The following L3MBTL4 variants were observed in gnomAD, a reference collection of about 807,000 sequenced individuals.
The protein encoded by L3MBTL4 is L3MBTL histone methyl-lysine binding protein 4, also known as lethal(3)malignant brain tumor-like protein 4.
A neutral mutation model predicts 84.5 loss-of-function variants in L3MBTL4; 70 were observed. That is an observed-to-expected ratio of 0.83 (90% CI 0.68 to 1.01). The LOEUF (loss-of-function observed/expected upper bound fraction) is 1.01, where lower values mean the gene tolerates loss of function less well. Among genes scored for constraint, L3MBTL4 ranks in the 50% least tolerant of loss-of-function variants. The probability of loss-of-function intolerance (pLI) is 0.00; values close to 1 mark genes in which losing one functional copy is unlikely to be tolerated. For missense variants in L3MBTL4, 715 were observed against 754.8 expected (o/e 0.95, Z 0.62); for synonymous variants, 274 against 259.8 (o/e 1.05, Z -0.52).
chr18:5,973,536 CT>C (rs5822883), intron 16 of L3MBTL4, among the ~76,000 whole-genome samples: 1 of 151,934 alleles, frequency 6.6e-6, no homozygotes, highest in African/African-American at 2.4e-5. Flanking sequence ...CTGATTTTAA[CT>C]TTTTTTTACA....
At chr18:6,096,438 T>C (rs2058646361) in intron 14 of L3MBTL4, among the ~76,000 whole-genome samples, 1 of 152,220 alleles carries the variant, frequency 6.6e-6, no homozygotes, top group South Asian at 2.1e-4. Flanking sequence ...CTGCACCATT[T>C]TGAACCTTAG....
chr18:6,310,307 A>C (rs141015278), intron 3 of L3MBTL4, among the ~76,000 whole-genome samples: 10 of 152,248 alleles, frequency 6.6e-5, no homozygotes, highest in Non-Finnish European at 8.8e-5. Flanking sequence ...TAGAGCTCTA[A>C]ACTCTCCTGG....
In L3MBTL4 at chr18:6,170,738, T is replaced by TG. The variant is rs527473252; in HGVS notation, c.1096+1089dup. ...GAGGCATGGATGTACAGGGGTGTAT[T>TG]GGGGGGGGTTCACATAAAGTGAGAA... On this transcript the variant is annotated intron_variant, in intron 13 of 18. Coordinates refer to ENST00000317931, the MANE Select transcript of L3MBTL4 (RefSeq NM_001330559.2). Among the ~76,000 whole-genome samples the TG allele has an allele frequency of 4.9e-4, 74 of 151,604 alleles. 1 individual carries two copies. The East Asian group carries it at 8.4e-3, about 17-fold the overall frequency.
At chr18:6,151,937 ATTAG>A (rs1476569264) in intron 13 of L3MBTL4, among the ~76,000 whole-genome samples, 1 of 152,066 alleles carries the variant, frequency 6.6e-6, no homozygotes, top group African/African-American at 2.4e-5. Flanking sequence ...CTCCACTTCT[ATTAG>A]TTAGACTTTT....
intron 16 of L3MBTL4, among the ~76,000 whole-genome samples, chr18:5,992,255 A>G (rs2053735993): frequency 6.6e-6 from 1 of 152,176 alleles, no homozygotes; most frequent in Admixed American, 6.5e-5. Context: ...GGTGGACAGA[A>G]GCCTGTTAGG....
At chr18:6,073,379 C>A (rs9949452) in intron 16 of L3MBTL4, among the ~76,000 whole-genome samples, 1,661 of 152,046 alleles carry the variant, frequency 0.011, 38 homozygotes, top group African/African-American at 0.038. Context: ...TTTTAAAAAT[C>A]TAAAGTCCTC....
intron 16 of L3MBTL4, among the ~76,000 whole-genome samples, chr18:6,019,808 AAGTT>A (rs768344172): frequency 3.2e-4 from 48 of 152,352 alleles, no homozygotes; most frequent in Non-Finnish European, 6.3e-4. Flanking sequence ...CTTCCAGACA[AAGTT>A]AGCCACTCCC....
intron 3 of L3MBTL4, 89 bp downstream of exon 3, chr18:6,311,465 G>A (rs750136818): frequency 4.8e-6 from 5 of 1,051,154 alleles, no homozygotes; most frequent in East Asian, 2.4e-5. Context: ...AAAAGCCCCT[G>A]AGTGTGGTTA....
intron 16 of L3MBTL4, among the ~76,000 whole-genome samples, chr18:6,047,507 A>T (rs1290926097): frequency 6.6e-6 from 1 of 152,228 alleles, no homozygotes; most frequent in African/African-American, 2.4e-5. Flanking sequence ...CCTCAGCAAA[A>T]TACTAGCAAA....
intron 15 of L3MBTL4, among the ~76,000 whole-genome samples, chr18:6,087,587 G>C (rs2058299714): frequency 6.6e-6 from 1 of 152,086 alleles, no homozygotes; most frequent in African/African-American, 2.4e-5. Flanking sequence ...AAGAACTCTG[G>C]TTTGTCATGG....
intron 1 of L3MBTL4, among the ~76,000 whole-genome samples, chr18:6,350,532 T>C (rs1328722701): frequency 6.7e-6 from 1 of 148,190 alleles, no homozygotes; most frequent in Non-Finnish European, 1.5e-5. Context: ...ACTTTACACA[T>C]AGGATGGCTA....
chr18:6,177,735 C>G (rs1370674648), intron 12 of L3MBTL4, among the ~76,000 whole-genome samples: 4 of 152,154 alleles, frequency 2.6e-5, no homozygotes, highest in Non-Finnish European at 5.9e-5. Flanking sequence ...AGCCAGGCAC[C>G]CTAGGACTGT....
chr18:6,091,667 G>A (rs2058462497), intron 15 of L3MBTL4, among the ~76,000 whole-genome samples: 1 of 152,172 alleles, frequency 6.6e-6, no homozygotes, highest in African/African-American at 2.4e-5. Flanking sequence ...AAGATAGGGA[G>A]GCAACATATC....
chr18:6,115,018 G>C (rs2059312947), intron 14 of L3MBTL4, among the ~76,000 whole-genome samples: 1 of 152,202 alleles, frequency 6.6e-6, no homozygotes, highest in Admixed American at 6.5e-5. Context: ...TAATGGTTGG[G>C]GGTTCACCAA....
intron 4 of L3MBTL4, among the ~76,000 whole-genome samples, chr18:6,292,789 A>G (rs939431905): frequency 1.3e-4 from 20 of 152,154 alleles, no homozygotes; most frequent in Non-Finnish European, 8.8e-5. Context: ...CTCCAAGCAT[A>G]TTAATCTCTG....
At chr18:6,222,222 C>T (rs1318054449) in intron 10 of L3MBTL4, among the ~76,000 whole-genome samples, 2 of 152,150 alleles carry the variant, frequency 1.3e-5, no homozygotes, top group African/African-American at 4.8e-5. Flanking sequence ...ACATTTACAG[C>T]AGTACGTCAG....
chr18:5,970,935 C>T (rs762099184), intron 16 of L3MBTL4, among the ~76,000 whole-genome samples: 8 of 152,210 alleles, frequency 5.3e-5, no homozygotes, highest in Non-Finnish European at 8.8e-5. Context: ...TCGGAACAGA[C>T]ATCCTCATAT....
rs866802613 is a variant in L3MBTL4, at chr18:6,245,849, C to T, written c.220-1261G>A. ...CAAATGATCCACCCTCCTGAGCCTC[C>T]CAAAGGGCTAGGAATATAGGTGTGA... On this transcript the variant is annotated intron_variant, in intron 5 of 18. Transcript: ENST00000317931. Among the ~76,000 whole-genome samples, 5 of 152,234 alleles carry T rather than the reference C, an allele frequency of 3.3e-5. No homozygotes were observed. In the Middle Eastern group the frequency reaches 0.01, roughly 311 times the overall value.
chr18:6,252,959 T>C (rs2047988911), intron 5 of L3MBTL4, among the ~76,000 whole-genome samples: 1 of 152,190 alleles, frequency 6.6e-6, no homozygotes, highest in South Asian at 2.1e-4. Context: ...ATCCCAGCAC[T>C]TTGGGAGGCC....
Sources: gnomAD v4.1 joint callset for allele counts (sites outside exome capture counted in the v4.1 genomes callset) on GRCh38, gnomAD v4.1.1 for gene constraint, MANE v1.5 for transcripts, NCBI Gene and HGNC (gene_info 2026-07-23, HGNC 2026-07-21) for gene names.